The following SLC6A5 variants were observed in gnomAD, a reference collection of about 807,000 sequenced individuals.
SLC6A5 encodes the protein sodium- and chloride-dependent glycine transporter 2.
A neutral mutation model predicts 90.5 loss-of-function variants in SLC6A5; 58 were observed. The ratio of observed to expected loss-of-function variants is 0.64; its 90% CI spans 0.52 to 0.80. SLC6A5 has a LOEUF of 0.80. Ranked by LOEUF, SLC6A5 falls within the 30% of genes least tolerant of loss-of-function variation. The pLI, the probability that SLC6A5 is intolerant of heterozygous loss-of-function variation, is 0.00. For missense variants in SLC6A5, 1,015 were observed against 1,017.6 expected, an observed-to-expected ratio of 1.00 and a Z score of 0.03; for synonymous variants, 427 against 401.4, an observed-to-expected ratio of 1.06 and a Z score of -0.76.
intron 7 of SLC6A5, among the ~76,000 whole-genome samples, chr11:20,625,587 C>T (rs1852977984): frequency 6.6e-6 from 1 of 152,052 alleles, no homozygotes; most frequent in African/African-American, 2.4e-5. Context: ...GACGCTGGTC[C>T]CTCCCTCTTT....
chr11:20,640,091 G>A (rs1370673920), intron 13 of SLC6A5, among the ~76,000 whole-genome samples: 2 of 152,180 alleles, frequency 1.3e-5, no homozygotes, highest in African/African-American at 4.8e-5. Context: ...ACCTTGCCAG[G>A]AGAGGCAAAA....
rs1315395218 is a variant in SLC6A5 at position 20,614,806 on chromosome 11, T to C, written c.1113T>C (p.Ser371=). 1.4e-5 allele frequency: 22 copies of C among 1,613,710 alleles called. No homozygotes were observed. The highest frequency in any genetic ancestry group is 1.9e-5 in the Non-Finnish European group (22 of 1,179,550). The change falls in exon 6 of 16, where the codon AGT becomes AGC. Residue 371 remains serine (S), a synonymous_variant. Transcript: ENST00000525748. The part of the protein sequence containing the change: ...SQANKTFVSG[S]EEYFKYFVLK... ...CCAATAAGACATTTGTCAGTGGAAGTGAAGAGTACTTCAAGTAAGATGACT... is the reference window on the plus strand; with the variant it reads ...CCAATAAGACATTTGTCAGTGGAAGCGAAGAGTACTTCAAGTAAGATGACT...
Position 20,629,028 on chromosome 11 carries a change from A to C in SLC6A5, c.1499+945A>C, listed in dbSNP as rs556691238. 2.0e-3 allele frequency among the ~76,000 whole-genome samples: 311 copies of C among 152,270 alleles called. 2 individuals carry two copies. The highest frequency in any genetic ancestry group is 7.2e-3 in the African/African-American group (297 of 41,526). ...GATAGACTCATTGCTGCCATTTCAAATCAGAGTGGAAAGGAAGTGGATTGC... is the reference window on the plus strand; with the variant it reads ...GATAGACTCATTGCTGCCATTTCAACTCAGAGTGGAAAGGAAGTGGATTGC... On this transcript the variant is annotated intron_variant, in intron 9 of 15. Coordinates refer to ENST00000525748, the MANE Select transcript of SLC6A5 (RefSeq NM_004211.5).
chr11:20,640,912 C>T (rs1853300486), intron 13 of SLC6A5, among the ~76,000 whole-genome samples: 1 of 152,084 alleles, frequency 6.6e-6, no homozygotes, highest in African/African-American at 2.4e-5. Context: ...GAATTGAAGA[C>T]ATTTGTGTTT....
intron 8 of SLC6A5, 68 bp downstream of exon 8, chr11:20,626,910 G>A (rs1237485507): frequency 1.8e-5 from 24 of 1,342,758 alleles, no homozygotes; most frequent in African/African-American, 2.8e-5. Flanking sequence ...GGGCAAAAAG[G>A]GTTAGACTTC....
At chr11:20,628,417 T>G (rs1312723199) in intron 9 of SLC6A5, among the ~76,000 whole-genome samples, 3 of 152,204 alleles carry the variant, frequency 2.0e-5, no homozygotes, top group African/African-American at 7.2e-5. Context: ...GGACTGTGCC[T>G]TCAGATGGTC....
At chr11:20,643,483 T>C (rs749616443) in intron 13 of SLC6A5, among the ~76,000 whole-genome samples, 8 of 152,308 alleles carry the variant, frequency 5.3e-5, no homozygotes, top group Non-Finnish European at 1.0e-4. Flanking sequence ...TGGAGTGTCC[T>C]TGCGTCATGG....
intron 1 of SLC6A5, 126 bp downstream of exon 1, chr11:20,599,801 G>T (rs916436290): frequency 2.9e-5 from 32 of 1,112,444 alleles, no homozygotes; most frequent in Non-Finnish European, 4.2e-5. Flanking sequence ...GCGACGAGGA[G>T]AACAATTCTC....
At chr11:20,634,163 C>T (rs574363804) in intron 10 of SLC6A5, among the ~76,000 whole-genome samples, 2 of 152,348 alleles carry the variant, frequency 1.3e-5, no homozygotes, top group African/African-American at 4.8e-5. Context: ...AGCCACCGCA[C>T]CTGGCTGCCA....
At chr11:20,628,206 T>C (rs1853039636) in intron 9 of SLC6A5, 123 bp downstream of exon 9, 1 of 876,990 alleles carries the variant, frequency 1.1e-6, no homozygotes, top group Admixed American at 2.0e-5. Context: ...AAGATTTGCC[T>C]CTGGCCTAGG....
chr11:20,639,684 A>G (rs1174082553), intron 13 of SLC6A5, among the ~76,000 whole-genome samples: 29 of 152,178 alleles, frequency 1.9e-4, no homozygotes, highest in Non-Finnish European at 3.8e-4. Context: ...TTTTCTGGAA[A>G]ACTCATTAAA....
chr11:20,627,912 T>G lies in SLC6A5; in HGVS notation c.1396-68T>G, dbSNP rs566088863. Reference sequence around the variant, plus strand: ...TGGAAACATGATATGGCACTGGGTGTGTGACTCCTCTCCCCTGGCGCCAGT... The same window carrying G: ...TGGAAACATGATATGGCACTGGGTGGGTGACTCCTCTCCCCTGGCGCCAGT... On this transcript the variant is annotated intron_variant, in intron 8 of 15. Transcript: ENST00000525748. 260 of 1,121,172 alleles carry G rather than the reference T, an allele frequency of 2.3e-4. 3 individuals are homozygous for G. The South Asian group carries it at 2.9e-3, about 12-fold the overall frequency. The allele number at this position is 1,121,172 out of a possible 1,614,324, so 69.5% of individuals were successfully genotyped here.
intron 11 of SLC6A5, 24 bp downstream of exon 11, chr11:20,636,443 C>A: frequency 7.1e-7 from 1 of 1,412,066 alleles, no homozygotes; most frequent in Non-Finnish European, 1.0e-6. Flanking sequence ...CCATCAGTCT[C>A]TATCCCATGC....
chr11:20,642,447 C>G (rs779454835), intron 13 of SLC6A5, among the ~76,000 whole-genome samples: 5 of 152,100 alleles, frequency 3.3e-5, no homozygotes, highest in Admixed American at 6.5e-5. Context: ...AAAATAATAG[C>G]CATGAGTTCA....
At chr11:20,649,125 G>T in intron 14 of SLC6A5, among the ~76,000 whole-genome samples, 1 of 152,246 alleles carries the variant, frequency 6.6e-6, no homozygotes, top group East Asian at 1.9e-4. Context: ...TGAGCAGAAT[G>T]TCAGAGAAGA....
chr11:20,606,977 A>G, intron 3 of SLC6A5, 30 bp from the exon 4 acceptor site: 1 of 1,613,908 alleles, frequency 6.2e-7, no homozygotes, highest in East Asian at 2.2e-5. Flanking sequence ...TTTGCCTCCT[A>G]GGGCTCTCAC....
chr11:20,605,805 G>T (rs10833363), intron 3 of SLC6A5, among the ~76,000 whole-genome samples: 30,213 of 152,228 alleles, frequency 0.2, 3,285 homozygotes, highest in Middle Eastern at 0.25. Flanking sequence ...CCTCAGTGCG[G>T]GGTGGAGGGC....
chr11:20,611,928 A>G (rs1852701690), intron 5 of SLC6A5, among the ~76,000 whole-genome samples: 1 of 151,426 alleles, frequency 6.6e-6, no homozygotes, highest in Non-Finnish European at 1.5e-5. Context: ...TGACTTAAAA[A>G]AGGTCCTCTT....
At chr11:20,644,972 C>T (rs538371623) in intron 13 of SLC6A5, among the ~76,000 whole-genome samples, 40 of 151,790 alleles carry the variant, frequency 2.6e-4, no homozygotes, top group Non-Finnish European at 3.7e-4. Flanking sequence ...TCACCATGCC[C>T]GGCTGATTTT....
Sources: allele counts gnomAD v4.1 joint callset (sites outside exome capture counted in the v4.1 genomes callset), GRCh38; gene constraint gnomAD v4.1.1; transcripts MANE v1.5; gene names NCBI Gene and HGNC (gene_info 2026-07-23, HGNC 2026-07-21).